The following USP14 variants were observed in gnomAD, a reference collection of about 807,000 sequenced individuals.
The protein encoded by USP14 is ubiquitin specific peptidase 14.
Under a neutral mutation model 76.5 loss-of-function variants are expected in USP14, and 38 were observed. The ratio of observed to expected loss-of-function variants is 0.50; its 90% confidence interval spans 0.38 to 0.65. The LOEUF is 0.65. Among genes scored for constraint, USP14 ranks in the 30% least tolerant of loss-of-function variants. The probability of loss-of-function intolerance (pLI) is 0.00; values close to 1 mark genes in which losing one functional copy is unlikely to be tolerated. For missense variants in USP14, 467 were observed against 586.5 expected (o/e 0.80, Z 2.10); for synonymous variants, 192 against 191.7 (o/e 1.00, Z -0.01).
At chr18:208,966 G>A (rs760055141) in intron 13 of USP14, among the ~76,000 whole-genome samples, 22 of 152,160 alleles carry the variant, frequency 1.4e-4, no homozygotes, top group Non-Finnish European at 2.6e-4. Flanking sequence ...GGCTGGTCTC[G>A]AGCTCCTGAT....
chr18:185,506 C>T (rs1909905250), intron 5 of USP14, among the ~76,000 whole-genome samples: 1 of 151,952 alleles, frequency 6.6e-6, no homozygotes, highest in African/African-American at 2.4e-5. Flanking sequence ...GTGAGATGCT[C>T]ATATTATGAG....
rs368047770 is a variant in USP14 at position 173,569 on chromosome 18, A to G, written c.196-5364A>G. Among the ~76,000 whole-genome samples the G allele has an allele frequency of 1.4e-4, 22 of 151,868 alleles. No individual in the cohort carries two copies. The South Asian group carries it at 4.4e-3, about 30-fold the overall frequency. On this transcript the variant is annotated intron_variant, in intron 3 of 15. Transcript: ENST00000261601. ...TGGGATTAAAGGCATGCACCACCACACCCAGCTAATTGTTTGTATTTTTTT... is the reference window on the plus strand; with the variant it reads ...TGGGATTAAAGGCATGCACCACCACGCCCAGCTAATTGTTTGTATTTTTTT...
rs1482520614 is a variant in USP14 at position 207,032 on chromosome 18, G to GTGTCTTTCTATTCATTTAGGTCTTT, written c.1164+2340_1164+2341insTGTCTTTCTATTCATTTAGGTCTTT. 8.8e-4 allele frequency among the ~76,000 whole-genome samples: 101 copies of GTGTCTTTCTATTCATTTAGGTCTTT among 114,604 alleles called. 1 individual carries two copies. The highest frequency in any genetic ancestry group is 1.7e-3 in the South Asian group (6 of 3,448). 75.2% of individuals were successfully genotyped at this position (114,604 alleles called of 152,430 possible). ...GGTTCAGATTCATTGTTTTGCATGTGAATATCTGGTTGTCTCAGCACCATT... is the reference window on the plus strand; with the variant it reads ...GGTTCAGATTCATTGTTTTGCATGTGTGTCTTTCTATTCATTTAGGTCTTTAATATCTGGTTGTCTCAGCACCATT... On this transcript the variant is annotated intron_variant, in intron 13 of 15. Coordinates refer to ENST00000261601, the MANE Select transcript of USP14 (RefSeq NM_005151.4).
At position 173,724 on chromosome 18, in the gene USP14, A is replaced by G. The variant is rs538753426; in HGVS notation, c.196-5209A>G. 7.8e-4 allele frequency among the ~76,000 whole-genome samples: 118 copies of G among 152,246 alleles called. 1 individual carries two copies. The highest frequency in any genetic ancestry group is 1.4e-3 in the South Asian group (7 of 4,830). Reference sequence around the variant, plus strand: ...AGGTGTGAGCCACCGCACCCGGTCTATTATCTGTTTTGAGTAAATTCTTGT... The same window carrying G: ...AGGTGTGAGCCACCGCACCCGGTCTGTTATCTGTTTTGAGTAAATTCTTGT... On this transcript the variant is annotated intron_variant, in intron 3 of 15. Coordinates refer to ENST00000261601, the MANE Select transcript of USP14 (RefSeq NM_005151.4).
rs1197036098 is a variant in USP14 at position 207,618 on chromosome 18, A to T, written c.1165-2353A>T. On this transcript the variant is annotated intron_variant, in intron 13 of 15. Transcript: ENST00000261601. ...CACTTGAGCATGGGAAATGGAGGTC[A>T]TAGTGAGCCAAAATGGTGCCACTGC... Among the ~76,000 whole-genome samples the T allele has an allele frequency of 3.4e-4, 37 of 108,700 alleles. 2 individuals are homozygous for T. Among genetic ancestry groups the T allele is most frequent in the African/African-American group, 1.0e-3 (35 of 34,400 alleles). 71.3% of individuals were successfully genotyped at this position (108,700 alleles called of 152,430 possible).
intron 3 of USP14, among the ~76,000 whole-genome samples, chr18:173,497 C>T (rs746415969): frequency 2.6e-5 from 4 of 151,924 alleles, no homozygotes; most frequent in Non-Finnish European, 4.4e-5. Context: ...CCGCAACCTC[C>T]GTCTCCCAGG....
intron 2 of USP14, among the ~76,000 whole-genome samples, chr18:164,373 T>C (rs1909208023): frequency 6.6e-6 from 1 of 152,174 alleles, no homozygotes; most frequent in Non-Finnish European, 1.5e-5. Context: ...TCAGCATTTT[T>C]ACCAAAGCCC....
intron 5 of USP14, among the ~76,000 whole-genome samples, chr18:187,252 T>G (rs1281280661): frequency 6.6e-6 from 1 of 152,182 alleles, no homozygotes; most frequent in Non-Finnish European, 1.5e-5. Flanking sequence ...TAAATATTTT[T>G]GAGACCTGTT....
chr18:168,099 T>C (rs1337303331), intron 3 of USP14, among the ~76,000 whole-genome samples: 5 of 152,004 alleles, frequency 3.3e-5, no homozygotes, highest in Non-Finnish European at 7.4e-5. Flanking sequence ...CTAACTTTTG[T>C]ATTTTTAGTA....
intron 10 of USP14, among the ~76,000 whole-genome samples, chr18:200,077 T>C (rs140029527): frequency 1.3e-3 from 201 of 152,342 alleles, no homozygotes; most frequent in African/African-American, 4.7e-3. Context: ...TGCTTCACAC[T>C]GTGAAGAAGC....
In USP14 at chr18:199,251, A is replaced by G. The variant is rs778154388; in HGVS notation, c.811A>G (p.Asn271Asp). ...AGAAGAAGTCACCAAAGGAAAGGAA[A>G]ATCAACTTCAGCTTAGCTGTTTTAT... ...EEEEVTKGKE[N>D]QLQLSCFINQ... Residue 271 changes from asparagine (N) to aspartate (D), a missense_variant, in exon 10 of 16, where the codon AAT becomes GAT. Asn to Asp is a conservative substitution (Grantham distance 23). Coordinates refer to ENST00000261601, the MANE Select transcript of USP14 (RefSeq NM_005151.4). 5 of 1,614,042 alleles carry G rather than the reference A, an allele frequency of 3.1e-6. No homozygotes were observed. Among genetic ancestry groups the G allele is most frequent in the East Asian group, 2.2e-5 (1 of 44,850 alleles).
chr18:182,224 C>T (rs962569635), intron 5 of USP14, among the ~76,000 whole-genome samples: 7 of 152,140 alleles, frequency 4.6e-5, no homozygotes, highest in East Asian at 3.8e-4. Flanking sequence ...CCCTTTCTTC[C>T]GGTGAGTATA....
chr18:190,521 G>A (rs1910057975), intron 5 of USP14, among the ~76,000 whole-genome samples: 1 of 152,108 alleles, frequency 6.6e-6, no homozygotes, highest in African/African-American at 2.4e-5. Flanking sequence ...ATATATGAAA[G>A]CATATGTTAT....
intron 6 of USP14, among the ~76,000 whole-genome samples, chr18:193,733 C>T (rs2143055942): frequency 6.6e-6 from 1 of 152,246 alleles, no homozygotes; most frequent in South Asian, 2.1e-4. Context: ...ATAATGTTTT[C>T]AGGATTCATC....
chr18:196,688 C>T lies in USP14; in HGVS notation c.515C>T (p.Pro172Leu), dbSNP rs1162369695. The T allele has an allele frequency of 6.2e-7, 1 of 1,613,946 alleles. No homozygotes were observed. Among genetic ancestry groups the T allele is most frequent in the Admixed American group, 1.7e-5 (1 of 60,000 alleles). The change falls in exon 7 of 16, where the codon CCT becomes CTT. Residue 172 changes from proline to leucine, a missense_variant. Physicochemically the swap from Pro to Leu is moderately conservative, Grantham distance 98. Coordinates refer to ENST00000261601, the MANE Select transcript of USP14 (RefSeq NM_005151.4). ...SMDKTSSSIP[P>L]IILLQFLHMA... ...GATAAAACTTCTTCCAGTATTCCAC[C>T]TATTATTCTACTGCAGTTTTTGCAC...
chr18:161,829 T>C (rs979664796), intron 1 of USP14, among the ~76,000 whole-genome samples: 1 of 152,242 alleles, frequency 6.6e-6, no homozygotes, highest in African/African-American at 2.4e-5. Flanking sequence ...TTTCAAAAGT[T>C]AGCTATTTTA....
Position 203,092 on chromosome 18 carries a change from C to T in USP14, c.943-6C>T. 6.2e-7 allele frequency: 1 copy of T among 1,613,250 alleles called. No homozygotes were observed. The highest frequency in any genetic ancestry group is 1.7e-5 in the Admixed American group (1 of 59,854). Reference sequence around the variant, plus strand: ...AATGGGATTTCTTTACATTTTGTCTCCTCAGTCCAAGATCAGCCGGCTGCC... The same window carrying T: ...AATGGGATTTCTTTACATTTTGTCTTCTCAGTCCAAGATCAGCCGGCTGCC... On this transcript the variant is annotated splice_polypyrimidine_tract_variant and splice_region_variant and intron_variant, in intron 11 of 15. Transcript: ENST00000261601.
chr18:162,336 TC>T (rs954917200), intron 1 of USP14, among the ~76,000 whole-genome samples: 2 of 152,230 alleles, frequency 1.3e-5, no homozygotes, highest in African/African-American at 4.8e-5. Context: ...TTCCAGTTTC[TC>T]CACATCTTTG....
In USP14 at chr18:200,615, G is replaced by A. The variant is rs983174730; in HGVS notation, c.876+1299G>A. Reference sequence around the variant, plus strand: ...ATGTCAGCTTCCACTCTGCTAATAAGCCCATGGATAAAACATACGGTTTTG... The same window carrying A: ...ATGTCAGCTTCCACTCTGCTAATAAACCCATGGATAAAACATACGGTTTTG... On this transcript the variant is annotated intron_variant, in intron 10 of 15. Transcript: ENST00000261601. 2.6e-5 allele frequency among the ~76,000 whole-genome samples: 4 copies of A among 152,134 alleles called. No homozygotes were observed. The East Asian group carries it at 7.7e-4, about 29-fold the overall frequency.
Sources: allele counts gnomAD v4.1 joint callset (sites outside exome capture counted in the v4.1 genomes callset), GRCh38; gene constraint gnomAD v4.1.1; transcripts MANE v1.5; gene names NCBI Gene and HGNC (gene_info 2026-07-23, HGNC 2026-07-21).